CLSTN2: variants seen among roughly 807,000 people sequenced by gnomAD.
The protein encoded by CLSTN2 is calsyntenin-2.
CLSTN2 carries 48 observed loss-of-function variants against 101.2 expected under a neutral mutation model. The ratio of observed to expected loss-of-function variants is 0.47; its 90% CI spans 0.38 to 0.60. CLSTN2 has a LOEUF of 0.60. Ranked by LOEUF, CLSTN2 falls within the 20% of genes least tolerant of loss-of-function variation. CLSTN2 has a pLI of 0.00. For synonymous variants in CLSTN2, 481 were observed against 463.6 expected, an observed-to-expected ratio of 1.04 and a Z score of -0.48; for missense variants, 1,160 against 1,238.2, an observed-to-expected ratio of 0.94 and a Z score of 0.95.
In CLSTN2 at chr3:140,564,017, G is replaced by C. The variant is rs781242769; in HGVS notation, c.2539G>C (p.Val847Leu). ...CATCTCCGTGTGCATGCTTGTGTTT[G>C]TCGTGGCCATGGGTGTGTACCGGGT... The part of the protein sequence containing the change: ...IIISVCMLVF[V>L]VAMGVYRVRI... Residue 847 changes from valine to leucine, a missense_variant, in exon 16 of 17, where the codon GTC becomes CTC. Transcript: ENST00000458420. The C allele has an allele frequency of 3.4e-5, 55 of 1,614,066 alleles. No homozygotes were observed. The highest frequency in any genetic ancestry group is 5.3e-5 in the African/African-American group (4 of 74,926).
At chr3:139,959,779 T>C (rs1184806274) in intron 1 of CLSTN2, among the ~76,000 whole-genome samples, 1 of 152,080 alleles carries the variant, frequency 6.6e-6, no homozygotes, top group Non-Finnish European at 1.5e-5. Flanking sequence ...CACCCATGGC[T>C]TTAAATACAA....
chr3:140,076,204 C>T (rs770618231), intron 1 of CLSTN2, among the ~76,000 whole-genome samples: 11 of 152,296 alleles, frequency 7.2e-5, no homozygotes, highest in African/African-American at 1.9e-4. Context: ...TAATGTTCTT[C>T]GCGTTCATCC....
intron 8 of CLSTN2, among the ~76,000 whole-genome samples, chr3:140,471,468 C>T (rs1933846860): frequency 6.6e-6 from 1 of 152,166 alleles, no homozygotes. Flanking sequence ...TGAAAAATTG[C>T]AACAAGCACA....
intron 1 of CLSTN2, among the ~76,000 whole-genome samples, chr3:140,070,284 T>C (rs1011067249): frequency 4.6e-5 from 7 of 152,216 alleles, no homozygotes; most frequent in African/African-American, 1.7e-4. Flanking sequence ...TAGAAAAATA[T>C]ACTTTTTCAC....
At chr3:140,543,152 T>C (rs566713437) in intron 9 of CLSTN2, among the ~76,000 whole-genome samples, 2 of 152,310 alleles carry the variant, frequency 1.3e-5, no homozygotes, top group Non-Finnish European at 2.9e-5. Flanking sequence ...ATAGTAGTTG[T>C]TGTTGGATTT....
intron 1 of CLSTN2, among the ~76,000 whole-genome samples, chr3:139,962,849 T>C (rs888954292): frequency 2.0e-5 from 3 of 152,194 alleles, no homozygotes; most frequent in South Asian, 4.1e-4. Context: ...AAAGCTGATA[T>C]GAGCATTCAT....
intron 2 of CLSTN2, among the ~76,000 whole-genome samples, chr3:140,321,983 C>T (rs759425615): frequency 6.6e-6 from 1 of 152,294 alleles, no homozygotes; most frequent in African/African-American, 2.4e-5. Context: ...GGGCAGATGC[C>T]AAGGCCCTCA....
At chr3:140,277,593 C>T in intron 2 of CLSTN2, among the ~76,000 whole-genome samples, 1 of 152,214 alleles carries the variant, frequency 6.6e-6, no homozygotes, top group East Asian at 1.9e-4. Context: ...CTTTTCTGCA[C>T]TGCATGCTGC....
At chr3:140,243,780 C>T (rs1481079399) in intron 2 of CLSTN2, among the ~76,000 whole-genome samples, 1 of 152,222 alleles carries the variant, frequency 6.6e-6, no homozygotes, top group Non-Finnish European at 1.5e-5. Flanking sequence ...AGATCTACTG[C>T]ATCAGATGTG....
chr3:140,485,283 C>T (rs1045660454), intron 8 of CLSTN2, among the ~76,000 whole-genome samples: 5 of 152,200 alleles, frequency 3.3e-5, no homozygotes, highest in African/African-American at 9.7e-5. Flanking sequence ...TATTGGTGAA[C>T]AGCAAATGTT....
intron 8 of CLSTN2, among the ~76,000 whole-genome samples, chr3:140,520,519 T>C (rs1485580867): frequency 6.6e-6 from 1 of 152,160 alleles, no homozygotes; most frequent in Non-Finnish European, 1.5e-5. Context: ...AAGAATAGCA[T>C]GGGGGAAACA....
chr3:140,012,760 T>A (rs1207456776), intron 1 of CLSTN2, among the ~76,000 whole-genome samples: 2 of 152,150 alleles, frequency 1.3e-5, no homozygotes, highest in Non-Finnish European at 2.9e-5. Context: ...GTTCCATAGA[T>A]CCTGCTGGGT....
At chr3:140,527,570 G>A (rs1344029433) in intron 8 of CLSTN2, among the ~76,000 whole-genome samples, 1 of 152,122 alleles carries the variant, frequency 6.6e-6, no homozygotes, top group African/African-American at 2.4e-5. Flanking sequence ...CCCATTACTG[G>A]ATATTCAGAA....
intron 11 of CLSTN2, chr3:140,556,921 T>C (rs1218263336): frequency 4.9e-6 from 2 of 409,860 alleles, no homozygotes; most frequent in Non-Finnish European, 8.8e-6. Context: ...TACTACTTTC[T>C]ATAAATTCTC....
chr3:140,424,765 T>G (rs2088546113), intron 5 of CLSTN2, among the ~76,000 whole-genome samples: 1 of 151,832 alleles, frequency 6.6e-6, no homozygotes, highest in African/African-American at 2.4e-5. Context: ...ACAAGGAACA[T>G]AGAGAGGGGA....
At chr3:140,004,642 A>G (rs996720391) in intron 1 of CLSTN2, among the ~76,000 whole-genome samples, 1 of 152,238 alleles carries the variant, frequency 6.6e-6, no homozygotes, top group Non-Finnish European at 1.5e-5. Flanking sequence ...CAGGGAGCCA[A>G]GACTTGGAAA....
chr3:140,250,788 A>C (rs2086557692), intron 2 of CLSTN2, among the ~76,000 whole-genome samples: 1 of 152,194 alleles, frequency 6.6e-6, no homozygotes, highest in Non-Finnish European at 1.5e-5. Flanking sequence ...CTCGAGAGTA[A>C]AACAGTGAAA....
intron 2 of CLSTN2, among the ~76,000 whole-genome samples, chr3:140,341,583 T>G (rs770568489): frequency 2.0e-5 from 3 of 152,202 alleles, no homozygotes; most frequent in Non-Finnish European, 4.4e-5. Flanking sequence ...TCCAGCCACC[T>G]GCAAACACCC....
intron 2 of CLSTN2, among the ~76,000 whole-genome samples, chr3:140,378,450 T>A (rs1648233764): frequency 6.6e-6 from 1 of 152,234 alleles, no homozygotes. Flanking sequence ...CCTTCCTAAA[T>A]GAATAGAATT....
Sources: gnomAD v4.1 joint callset for allele counts (sites outside exome capture counted in the v4.1 genomes callset) on GRCh38, gnomAD v4.1.1 for gene constraint, MANE v1.5 for transcripts, NCBI Gene and HGNC (gene_info 2026-07-23, HGNC 2026-07-21) for gene names.